The following RBX1 variants were observed in gnomAD, a reference collection of about 807,000 sequenced individuals.
RBX1 encodes the protein E3 ubiquitin-protein ligase RBX1.
For synonymous variants in RBX1, 48 were observed against 47.9 expected, an observed-to-expected ratio of 1.00 and a Z score of -0.01; for missense variants, 46 against 141.4, an observed-to-expected ratio of 0.33 and a Z score of 3.42.
chr22:40,962,526 C>G (rs1466075800), intron 2 of RBX1, among the ~76,000 whole-genome samples: 7 of 136,846 alleles, frequency 5.1e-5, no homozygotes, highest in African/African-American at 1.9e-4. Flanking sequence ...GACAGAGTCT[C>G]ACTGTGTCAC....
At chr22:40,963,877 G>A (rs1011819205) in intron 2 of RBX1, among the ~76,000 whole-genome samples, 170 bp from the exon 3 acceptor site, 24 of 152,308 alleles carry the variant, frequency 1.6e-4, no homozygotes, top group East Asian at 1.2e-3. Flanking sequence ...AACAAGGATA[G>A]GAAATCGTCA....
intron 2 of RBX1, among the ~76,000 whole-genome samples, chr22:40,957,081 C>T (rs2058327708): frequency 6.6e-6 from 1 of 151,692 alleles, no homozygotes; most frequent in African/African-American, 2.4e-5. Context: ...GGCGCGGTGG[C>T]TCATGCCTGT....
chr22:40,965,652 G>A (rs1041485760), intron 3 of RBX1, among the ~76,000 whole-genome samples: 4 of 152,090 alleles, frequency 2.6e-5, no homozygotes, highest in African/African-American at 9.7e-5. Context: ...TGTTGGCCAG[G>A]CTGGTCTTAA....
chr22:40,952,007 C>T (rs1324667399), intron 1 of RBX1, among the ~76,000 whole-genome samples: 1 of 151,604 alleles, frequency 6.6e-6, no homozygotes, highest in African/African-American at 2.4e-5. Context: ...CCTCGCTGAA[C>T]CGAGGCCTCA....
At chr22:40,967,701 C>G (rs1227147726) in intron 3 of RBX1, 98 bp from the exon 4 acceptor site, 1 of 850,600 alleles carries the variant, frequency 1.2e-6, no homozygotes, top group African/African-American at 1.7e-5. Flanking sequence ...TTCTTGCCCA[C>G]TATATGTCAC....
chr22:40,953,727 T>C, intron 2 of RBX1, 94 bp downstream of exon 2: 1 of 840,060 alleles, frequency 1.2e-6, no homozygotes, highest in Non-Finnish European at 2.0e-6. Context: ...CACGAGGAGA[T>C]AGCAAGCCTA....
intron 3 of RBX1, among the ~76,000 whole-genome samples, chr22:40,965,192 A>G (rs1204035547): frequency 1.3e-5 from 2 of 151,552 alleles, no homozygotes; most frequent in East Asian, 2.0e-4. Context: ...AGTCCCAGCT[A>G]CTCGGGAGGC....
intron 2 of RBX1, among the ~76,000 whole-genome samples, chr22:40,962,644 C>T (rs529259720): frequency 6.6e-6 from 1 of 150,906 alleles, no homozygotes; most frequent in South Asian, 2.1e-4. Context: ...TACAGGCGCC[C>T]ACCACCACAC....
chr22:40,959,804 T>C (rs923264308), intron 2 of RBX1, among the ~76,000 whole-genome samples: 4 of 151,810 alleles, frequency 2.6e-5, no homozygotes, highest in African/African-American at 9.7e-5. Flanking sequence ...AAAGCTAGAC[T>C]CTGTCTAAAA....
chr22:40,957,563 G>A lies in RBX1; in HGVS notation c.157+3930G>A, dbSNP rs534126769. On this transcript the variant is annotated intron_variant, in intron 2 of 4. Transcript: ENST00000216225. ...TGAGGTGGGAAGATCCCTTGAGCCCGGGAGGCAGAGGTGACAGTGAGTCAA... is the reference window on the plus strand; with the variant it reads ...TGAGGTGGGAAGATCCCTTGAGCCCAGGAGGCAGAGGTGACAGTGAGTCAA... Among the ~76,000 whole-genome samples the A allele has an allele frequency of 1.2e-4, 19 of 152,210 alleles. No homozygotes were observed. The South Asian group carries it at 3.7e-3, about 30-fold the overall frequency.
chr22:40,969,101 G>C (rs1006221099), intron 4 of RBX1, among the ~76,000 whole-genome samples: 1 of 151,816 alleles, frequency 6.6e-6, no homozygotes, highest in Non-Finnish European at 1.5e-5. Context: ...ATCACCTGAG[G>C]TTGGGTGTTC....
At chr22:40,958,171 G>T (rs2058330670) in intron 2 of RBX1, among the ~76,000 whole-genome samples, 1 of 151,670 alleles carries the variant, frequency 6.6e-6, no homozygotes, top group African/African-American at 2.4e-5. Context: ...TGTTGTCCAG[G>T]CTTGTCTTGA....
At chr22:40,965,931 G>A (rs867232383) in intron 3 of RBX1, among the ~76,000 whole-genome samples, 3 of 152,198 alleles carry the variant, frequency 2.0e-5, no homozygotes, top group African/African-American at 2.4e-5. Context: ...GGAAAGAAAA[G>A]AGAGTGAACA....
intron 2 of RBX1, among the ~76,000 whole-genome samples, chr22:40,958,024 C>T (rs2058330309): frequency 6.6e-6 from 1 of 152,118 alleles, no homozygotes; most frequent in Non-Finnish European, 1.5e-5. Context: ...TGGGGTTTCA[C>T]TATGTTGGCC....
At chr22:40,970,119 G>A (rs2058364962) in intron 4 of RBX1, among the ~76,000 whole-genome samples, 1 of 150,722 alleles carries the variant, frequency 6.6e-6, no homozygotes, top group Non-Finnish European at 1.5e-5. Context: ...ACTTTAGGAG[G>A]CTGAGGTGGG....
chr22:40,954,851 A>C (rs535454858), intron 2 of RBX1, among the ~76,000 whole-genome samples: 93 of 151,238 alleles, frequency 6.1e-4, no homozygotes, highest in African/African-American at 2.2e-3. Context: ...CAGTGGCGTG[A>C]TCTCAGCTCA....
Position 40,967,785 on chromosome 22 carries a change from A to G in RBX1, c.229-14A>G, listed in dbSNP as rs1569045595. ...CATAGAGTTATTTTTAATAAAATATATGTTTTCTTTCAGCATGCTTTTCAC... is the reference window on the plus strand; with the variant it reads ...CATAGAGTTATTTTTAATAAAATATGTGTTTTCTTTCAGCATGCTTTTCAC... On this transcript the variant is annotated splice_polypyrimidine_tract_variant and intron_variant, in intron 3 of 4. Coordinates refer to ENST00000216225, the MANE Select transcript of RBX1 (RefSeq NM_014248.4). 2.5e-6 allele frequency: 4 copies of G among 1,609,300 alleles called. No homozygotes were observed. The highest frequency in any genetic ancestry group is 3.3e-5 in the Admixed American group (2 of 59,974).
chr22:40,956,670 C>A (rs1360386266), intron 2 of RBX1, among the ~76,000 whole-genome samples: 2 of 151,946 alleles, frequency 1.3e-5, no homozygotes, highest in Non-Finnish European at 1.5e-5. Flanking sequence ...AAACCACCCC[C>A]CTTGGCCTCC....
chr22:40,961,639 C>G (rs1229173779), intron 2 of RBX1, among the ~76,000 whole-genome samples: 1 of 151,900 alleles, frequency 6.6e-6, no homozygotes, highest in Non-Finnish European at 1.5e-5. Context: ...CTCCTGACCT[C>G]GTGACCCACC....
Sources: allele counts gnomAD v4.1 joint callset (sites outside exome capture counted in the v4.1 genomes callset), GRCh38; gene constraint gnomAD v4.1.1; transcripts MANE v1.5; gene names NCBI Gene and HGNC (gene_info 2026-07-23, HGNC 2026-07-21).